IQSEC1: variants seen among roughly 807,000 people sequenced by gnomAD.
IQSEC1 encodes IQ motif and SEC7 domain-containing protein 1.
Under a neutral mutation model 91.0 loss-of-function variants are expected in IQSEC1, and 31 were observed. The observed-to-expected ratio is 0.34, with a 90% CI of 0.26 to 0.46. The LOEUF is 0.46. Among genes scored for constraint, IQSEC1 ranks in the 20% least tolerant of loss-of-function variants. The pLI is 1.00. For synonymous variants in IQSEC1, 699 were observed against 662.6 expected (o/e 1.05, Z -0.84); for missense variants, 1,388 against 1,575.6 (o/e 0.88, Z 2.02).
At chr3:13,122,649 A>AC (rs1284845785) in intron 2 of IQSEC1, among the ~76,000 whole-genome samples, 5 of 152,094 alleles carry the variant, frequency 3.3e-5, no homozygotes, top group African/African-American at 1.2e-4. Context: ...AAAACTCAAA[A>AC]CGAGCTGGGC....
chr3:13,121,650 C>T (rs561712323), intron 2 of IQSEC1, among the ~76,000 whole-genome samples: 1 of 152,328 alleles, frequency 6.6e-6, no homozygotes, highest in Non-Finnish European at 1.5e-5. Flanking sequence ...CAGCCAGGAC[C>T]AAGGCCAGCG....
chr3:13,022,207 C>T (rs1350457169), intron 1 of IQSEC1: 8 of 1,230,448 alleles, frequency 6.5e-6, no homozygotes, highest in African/African-American at 4.7e-5. Flanking sequence ...ATTTTCAGGT[C>T]CCTTCCTTCT....
intron 2 of IQSEC1, among the ~76,000 whole-genome samples, chr3:13,110,493 G>A (rs1706225845): frequency 6.6e-6 from 1 of 152,126 alleles, no homozygotes. Context: ...GGAGGCTGAG[G>A]CAGGAGAATC....
chr3:12,942,476 G>C (rs923537367), intron 1 of IQSEC1, among the ~76,000 whole-genome samples: 1 of 151,984 alleles, frequency 6.6e-6, no homozygotes, highest in African/African-American at 2.4e-5. Flanking sequence ...GGTGGTGGTC[G>C]CCTGTAGTCC....
At chr3:13,161,670 C>T (rs1303194343) in intron 2 of IQSEC1, among the ~76,000 whole-genome samples, 1 of 152,190 alleles carries the variant, frequency 6.6e-6, no homozygotes, top group African/African-American at 2.4e-5. Context: ...CACATCTGAC[C>T]CCAGCATCTT....
At chr3:13,089,676 AC>A (rs1043523139) in intron 2 of IQSEC1, among the ~76,000 whole-genome samples, 41 of 152,240 alleles carry the variant, frequency 2.7e-4, no homozygotes, top group African/African-American at 9.4e-4. Flanking sequence ...GAAGCCAGAC[AC>A]AAAAGGACAC....
At chr3:13,038,297 T>TATATATATAA (rs1184139616) in intron 1 of IQSEC1, among the ~76,000 whole-genome samples, 3 of 131,984 alleles carry the variant, frequency 2.3e-5, no homozygotes, top group East Asian at 2.2e-4. Context: ...TATATATATA[T>TATATATATAA]AAAATGAAGT....
At chr3:13,066,097 C>T (rs360873) in intron 1 of IQSEC1, among the ~76,000 whole-genome samples, 97,757 of 151,962 alleles carry the variant, frequency 0.64, 31,779 homozygotes, top group East Asian at 0.86. Flanking sequence ...TGGGAGTCTG[C>T]GCTTACAGAG....
At chr3:13,072,364 A>G (rs553656585) in intron 1 of IQSEC1, among the ~76,000 whole-genome samples, 27 of 152,344 alleles carry the variant, frequency 1.8e-4, no homozygotes, top group Admixed American at 5.9e-4. Context: ...ACCGAAGCGC[A>G]GGCTTTGGTT....
intron 1 of IQSEC1, among the ~76,000 whole-genome samples, chr3:13,217,723 T>G (rs1694577253): frequency 6.6e-6 from 1 of 152,242 alleles, no homozygotes; most frequent in Admixed American, 6.5e-5. Context: ...TTAAATGTAT[T>G]TTGAAAAGAA....
At chr3:12,919,112 G>A (rs113247398) in intron 6 of IQSEC1, among the ~76,000 whole-genome samples, 2 of 143,868 alleles carry the variant, frequency 1.4e-5, no homozygotes, top group Admixed American at 6.9e-5. Flanking sequence ...GAGGAGGCCC[G>A]GCCTCCTGGC....
At chr3:13,224,456 G>A (rs1694717957) in intron 1 of IQSEC1, among the ~76,000 whole-genome samples, 1 of 152,100 alleles carries the variant, frequency 6.6e-6, no homozygotes, top group African/African-American at 2.4e-5. Context: ...AGGGTGCAAT[G>A]GGAGAAGGGG....
At chr3:13,110,728 C>T (rs1025006598) in intron 2 of IQSEC1, among the ~76,000 whole-genome samples, 2 of 152,184 alleles carry the variant, frequency 1.3e-5, no homozygotes, top group African/African-American at 4.8e-5. Flanking sequence ...CAGGGGCTTT[C>T]CAGGCTGCTG....
In IQSEC1 at chr3:13,193,596, TGAGGA is replaced by T. The variant is rs567242786; in HGVS notation, c.273-29468_273-29464del. Among the ~76,000 whole-genome samples the T allele has an allele frequency of 1.5e-3, 221 of 151,218 alleles. No individual in the cohort carries two copies. Among genetic ancestry groups the T allele is most frequent in the African/African-American group, 4.8e-3 (199 of 41,172 alleles). On this transcript the variant is annotated intron_variant, in intron 1 of 15. Transcript: ENST00000648114. This position sits in a 1 kb window ranked among gnomAD's most constrained non-coding sequence, Gnocchi z 4.2. ...GGAACAGAAGGTGCAGTTTAGGGGG[TGAGGA>T]GAGAAGTATCATGAGTTCAGTTTGG... is the stretch of plus-strand genomic sequence containing the variant.
chr3:13,173,175 T>C (rs1348718406), intron 1 of IQSEC1, among the ~76,000 whole-genome samples: 2 of 152,184 alleles, frequency 1.3e-5, no homozygotes, highest in Non-Finnish European at 2.9e-5. Context: ...TGCATTTCAG[T>C]TCTGGATCAA....
chr3:13,047,215 G>A (rs773096640), intron 1 of IQSEC1, among the ~76,000 whole-genome samples: 3 of 152,192 alleles, frequency 2.0e-5, no homozygotes, highest in Non-Finnish European at 4.4e-5. Flanking sequence ...GGGGCCTTCA[G>A]CTGAGCTCTG....
chr3:13,031,632 G>C (rs1334312236), intron 1 of IQSEC1, among the ~76,000 whole-genome samples: 2 of 152,068 alleles, frequency 1.3e-5, no homozygotes, highest in Non-Finnish European at 2.9e-5. Flanking sequence ...AGGGGGCAGA[G>C]GGGCAGGAGT....
At chr3:12,914,690 T>C (rs562994313) in intron 8 of IQSEC1, among the ~76,000 whole-genome samples, 5 of 152,058 alleles carry the variant, frequency 3.3e-5, no homozygotes, top group Admixed American at 1.3e-4. Context: ...TCCTGGGGCG[T>C]GTGGGCACAC....
rs1043812390 is a variant in IQSEC1, at chr3:12,915,110, G to A, written c.2184C>T (p.Leu728=). The A allele has an allele frequency of 5.6e-6, 9 of 1,608,154 alleles. No homozygotes were observed. The Admixed American group carries it at 8.4e-5, about 15-fold the overall frequency. ...KKPIGSLHPG[L]GCVLSLPHRR... is the part of the protein sequence containing the mutation. ...AAACCAGAGAAATACTCACACAGCC[G>A]AGCCCGGGATGCAGGGATCCGATCT... Residue 728 remains leucine, a synonymous_variant, in exon 8 of 14, where the codon CTC becomes CTT. Coordinates refer to ENST00000613206, the MANE Select transcript of IQSEC1 (RefSeq NM_001134382.3).
Sources: gnomAD v4.1 joint callset for allele counts (sites outside exome capture counted in the v4.1 genomes callset) on GRCh38, gnomAD v4.1.1 for gene constraint, Gnocchi (gnomAD v3.1) non-coding constraint, MANE v1.5 for transcripts, NCBI Gene and HGNC (gene_info 2026-07-23, HGNC 2026-07-21) for gene names.